ST3GAL3: variants seen among roughly 807,000 people sequenced by gnomAD.
ST3GAL3 encodes the protein CMP-N-acetylneuraminate-beta-1,4-galactoside alpha-2,3-sialyltransferase.
In ST3GAL3, 21 loss-of-function variants were observed where a neutral mutation model predicts 50.1. The observed-to-expected ratio is 0.42, with a 90% CI of 0.30 to 0.60. The LOEUF is 0.60. ST3GAL3 is among the 20% of genes least tolerant of loss of function. The pLI is 0.19. For missense variants in ST3GAL3, 353 were observed against 489.4 expected (o/e 0.72, Z 2.63); for synonymous variants, 183 against 190.0 (o/e 0.96, Z 0.30).
intron 2 of ST3GAL3, among the ~76,000 whole-genome samples, chr1:43,756,018 T>C (rs2154115475): frequency 1.4e-5 from 2 of 146,530 alleles, no homozygotes; most frequent in Middle Eastern, 7.1e-3. Context: ...GGAGGATCAC[T>C]TGAGCCCAGG....
At chr1:43,838,107 TC>T in intron 4 of ST3GAL3, 111 bp from the exon 5 acceptor site, 1 of 297,190 alleles carries the variant, frequency 3.4e-6, no homozygotes, top group Non-Finnish European at 5.9e-6. Flanking sequence ...AGAACGAGAC[TC>T]CGTCTCAAAA....
intron 5 of ST3GAL3, among the ~76,000 whole-genome samples, chr1:43,882,625 T>G (rs1041396088): frequency 1.3e-5 from 2 of 152,218 alleles, no homozygotes; most frequent in African/African-American, 4.8e-5. Flanking sequence ...ACATTGTTTT[T>G]CTTAAAGGGC....
intron 5 of ST3GAL3, among the ~76,000 whole-genome samples, chr1:43,866,017 A>G (rs1294729992): frequency 6.6e-6 from 1 of 152,188 alleles, no homozygotes; most frequent in African/African-American, 2.4e-5. Context: ...AACCAGAGCC[A>G]AGCAGCCGGG....
chr1:43,850,553 G>A, intron 5 of ST3GAL3: 1 of 704,670 alleles, frequency 1.4e-6, no homozygotes, highest in Non-Finnish European at 2.7e-6. Context: ...GCAGTCCACT[G>A]GGCCGTAGAG....
chr1:43,905,370 T>C (rs111203996), intron 9 of ST3GAL3, among the ~76,000 whole-genome samples: 45 of 71,234 alleles, frequency 6.3e-4, no homozygotes, highest in African/African-American at 1.4e-3. Context: ...CTTCTGTTCC[T>C]CTTCCCACCA....
rs1364041520 is a variant in ST3GAL3, at chr1:43,851,542, C to T, written c.302+13231C>T. The T allele has an allele frequency of 1.9e-6, 3 of 1,589,824 alleles. No homozygotes were observed. In the African/African-American group the frequency reaches 4.0e-5, roughly 21 times the overall value. Reference sequence around the variant, plus strand: ...GAGTATTTGTTATTTAAGCAAGAGCCTAGGGCCTCCAAAACTGCCCAGCTG... The same window carrying T: ...GAGTATTTGTTATTTAAGCAAGAGCTTAGGGCCTCCAAAACTGCCCAGCTG... On this transcript the variant is annotated intron_variant, in intron 5 of 11. Transcript: ENST00000347631.
At chr1:43,817,730 TCCCCCTC>T (rs2061541236) in intron 4 of ST3GAL3, among the ~76,000 whole-genome samples, 1 of 89,910 alleles carries the variant, frequency 1.1e-5, no homozygotes, top group Non-Finnish European at 2.5e-5. Flanking sequence ...CTTCTCCTCC[TCCCCCTC>T]CTCCTCCTTC....
intron 1 of ST3GAL3, among the ~76,000 whole-genome samples, chr1:43,717,838 C>G (rs1466896929): frequency 6.6e-6 from 1 of 151,382 alleles, no homozygotes; most frequent in South Asian, 2.1e-4. Flanking sequence ...TTTACACATA[C>G]AAGAACAGAA....
intron 5 of ST3GAL3, among the ~76,000 whole-genome samples, chr1:43,869,113 C>T (rs978950315): frequency 1.3e-5 from 2 of 152,106 alleles, no homozygotes; most frequent in Non-Finnish European, 2.9e-5. Flanking sequence ...AACCCTGTAT[C>T]GTGGAATCAT....
At chr1:43,817,733 CCCT>C (rs377758313) in intron 4 of ST3GAL3, among the ~76,000 whole-genome samples, 2 of 112,904 alleles carry the variant, frequency 1.8e-5, no homozygotes, top group African/African-American at 3.6e-5. Context: ...CTCCTCCTCC[CCCT>C]CCTCCTCCTT....
intron 5 of ST3GAL3, among the ~76,000 whole-genome samples, chr1:43,892,896 C>T (rs1466003664): frequency 6.6e-6 from 1 of 152,124 alleles, no homozygotes; most frequent in African/African-American, 2.4e-5. Context: ...ATCCTCAGAG[C>T]CTCTGGCAAA....
chr1:43,721,252 G>GA (rs1184371925), intron 1 of ST3GAL3, among the ~76,000 whole-genome samples: 124 of 69,642 alleles, frequency 1.8e-3, no homozygotes, highest in Admixed American at 0.014. Context: ...CTCTTAAAAA[G>GA]AAAAAAAAAA....
At chr1:43,851,561 C>T in intron 5 of ST3GAL3, 1 of 1,560,894 alleles carries the variant, frequency 6.4e-7, no homozygotes, top group Non-Finnish European at 8.8e-7. Context: ...CCAAAACTGC[C>T]CAGCTGGCGA....
chr1:43,770,251 GGAGGAGAGGAGAGGGGAGGGGAGGA>G (rs1192005955), intron 2 of ST3GAL3, among the ~76,000 whole-genome samples: 5 of 137,282 alleles, frequency 3.6e-5, no homozygotes, highest in African/African-American at 1.3e-4. Flanking sequence ...AGAGGGGAGG[GGAGGAGAGGAGAGGGGAGGGGAGGA>G]GAGGGGAATG....
chr1:43,749,257 A>C (rs1000736000), intron 2 of ST3GAL3, among the ~76,000 whole-genome samples: 1 of 152,250 alleles, frequency 6.6e-6, no homozygotes, highest in Non-Finnish European at 1.5e-5. Flanking sequence ...GAAAATCTTC[A>C]TGCTGTTGTG....
chr1:43,921,423 T>G (rs769913641), intron 11 of ST3GAL3: 45 of 407,920 alleles, frequency 1.1e-4, no homozygotes, highest in Non-Finnish European at 1.8e-4. Flanking sequence ...CAGCCTTTTC[T>G]GGCATTTCTC....
rs867110152 is a variant in ST3GAL3, at chr1:43,731,693, G to A, written c.-30-4540G>A. Among the ~76,000 whole-genome samples, 86 of 150,814 alleles carry A rather than the reference G, an allele frequency of 5.7e-4. 1 individual carries two copies. Among genetic ancestry groups the A allele is most frequent in the African/African-American group, 2.0e-3 (83 of 40,958 alleles). On this transcript the variant is annotated intron_variant, in intron 1 of 11. Coordinates refer to ENST00000347631, the MANE Select transcript of ST3GAL3 (RefSeq NM_006279.5). ...ATTGTAGGCGTGAGCCACTGCGCCC[G>A]GCCTAATTTTTTGTATTTTTAGTAG...
chr1:43,919,997 G>C, intron 9 of ST3GAL3: 1 of 349,044 alleles, frequency 2.9e-6, no homozygotes, highest in South Asian at 2.5e-5. Context: ...GAGCACAGGA[G>C]GGCAGACAGG....
rs746489730 is a variant in ST3GAL3 at position 43,898,257 on chromosome 1, G to A, written c.420G>A (p.Leu140=). Residue 140 remains leucine, a synonymous_variant, in exon 7 of 12, where the codon TTG becomes TTA. Transcript: ENST00000347631. ...CAGACAATCTGATCAAAGCCATCTT[G>A]TCAGTCACCAAAGAGTACCGCCTGA... ...KGQDNLIKAI[L]SVTKEYRLTP... is the part of the protein sequence containing the mutation. 1 of 1,613,896 alleles carries A rather than the reference G, an allele frequency of 6.2e-7. No individual in the cohort carries two copies. Among genetic ancestry groups the A allele is most frequent in the Non-Finnish European group, 8.5e-7 (1 of 1,180,032 alleles).
Sources: gnomAD v4.1 joint callset for allele counts (sites outside exome capture counted in the v4.1 genomes callset) on GRCh38, gnomAD v4.1.1 for gene constraint, MANE v1.5 for transcripts, NCBI Gene and HGNC (gene_info 2026-07-23, HGNC 2026-07-21) for gene names.